The following CNTNAP2 variants were observed in gnomAD, a reference collection of about 807,000 sequenced individuals.
CNTNAP2 encodes contactin associated protein 2.
Under a neutral mutation model 155.2 loss-of-function variants are expected in CNTNAP2, and 98 were observed. The ratio of observed to expected loss-of-function variants is 0.63; its 90% CI spans 0.54 to 0.75. The LOEUF is 0.75. Ranked by LOEUF, CNTNAP2 falls within the 30% of genes least tolerant of loss-of-function variation. The pLI is 0.00. For synonymous variants in CNTNAP2, 651 were observed against 631.2 expected (o/e 1.03, Z -0.47); for missense variants, 1,727 against 1,688.1 (o/e 1.02, Z -0.40).
At chr7:146,483,000 G>T (rs1796986624) in intron 1 of CNTNAP2, among the ~76,000 whole-genome samples, 1 of 151,362 alleles carries the variant, frequency 6.6e-6, no homozygotes, top group Non-Finnish European at 1.5e-5. Flanking sequence ...TTTAAGGCCG[G>T]GTGCGGTGGC....
intron 15 of CNTNAP2, among the ~76,000 whole-genome samples, chr7:148,062,028 AGTGTGT>A (rs199528714): frequency 0.026 from 2,738 of 105,868 alleles, 143 homozygotes; most frequent in African/African-American, 0.074. Context: ...AGAGAGAGAG[AGTGTGT>A]GTGTGTGTGT....
intron 2 of CNTNAP2, among the ~76,000 whole-genome samples, chr7:146,787,364 G>C (rs949048302): frequency 2.6e-5 from 4 of 152,146 alleles, no homozygotes; most frequent in Admixed American, 2.6e-4. Flanking sequence ...TATATCCGGA[G>C]TTTGTTCCTT....
chr7:146,966,797 C>T (rs192311890), intron 3 of CNTNAP2, among the ~76,000 whole-genome samples: 160 of 152,306 alleles, frequency 1.1e-3, no homozygotes, highest in African/African-American at 3.4e-3. Context: ...CTTTTCTGTA[C>T]TCCTGCCTCA....
intron 1 of CNTNAP2, among the ~76,000 whole-genome samples, chr7:146,442,744 C>G (rs1160073932): frequency 6.6e-6 from 1 of 152,008 alleles, no homozygotes; most frequent in Non-Finnish European, 1.5e-5. Context: ...TAGCCCTGTT[C>G]CGTGGATTTA....
intron 15 of CNTNAP2, among the ~76,000 whole-genome samples, chr7:148,066,616 G>A (rs1419863477): frequency 6.6e-6 from 1 of 151,856 alleles, no homozygotes; most frequent in Non-Finnish European, 1.5e-5. Flanking sequence ...TCCTGCCTCA[G>A]CCTCCCGAGT....
At chr7:147,743,202 GT>G (rs1260588196) in intron 13 of CNTNAP2, among the ~76,000 whole-genome samples, 3 of 152,102 alleles carry the variant, frequency 2.0e-5, no homozygotes, top group Admixed American at 1.3e-4. Context: ...CCATTACCTG[GT>G]CATATGCGAT....
Position 147,674,048 on chromosome 7 carries a change from A to G in CNTNAP2, c.2098+34742A>G, listed in dbSNP as rs181134316. Among the ~76,000 whole-genome samples, 75 of 152,290 alleles carry G rather than the reference A, an allele frequency of 4.9e-4. 1 individual carries two copies. The highest frequency in any genetic ancestry group is 9.2e-4 in the Admixed American group (14 of 15,292). On this transcript the variant is annotated intron_variant, in intron 13 of 23. Coordinates refer to ENST00000361727, the MANE Select transcript of CNTNAP2 (RefSeq NM_014141.6). ...CTGTTTGGGAGAGGTGTAATAAACA[A>G]GAGACACATTGTAGCTATGACCGTG...
At chr7:147,171,895 G>A (rs1392840012) in intron 8 of CNTNAP2, among the ~76,000 whole-genome samples, 2 of 151,556 alleles carry the variant, frequency 1.3e-5, no homozygotes, top group Non-Finnish European at 2.9e-5. Flanking sequence ...AGTGAAATAT[G>A]TTCTATGAAA....
At chr7:146,442,936 G>A (rs972241069) in intron 1 of CNTNAP2, among the ~76,000 whole-genome samples, 3 of 152,210 alleles carry the variant, frequency 2.0e-5, no homozygotes, top group Admixed American at 6.5e-5. Flanking sequence ...GCCGGGCGCG[G>A]TGGCTGACGC....
chr7:147,876,887 C>T (rs2116709065), intron 13 of CNTNAP2, among the ~76,000 whole-genome samples: 1 of 152,108 alleles, frequency 6.6e-6, no homozygotes, highest in East Asian at 1.9e-4. Flanking sequence ...AACTACGGGG[C>T]ATCCTTGTAA....
At chr7:146,185,761 C>CCTTT (rs1554400925) in intron 1 of CNTNAP2, among the ~76,000 whole-genome samples, 70 of 94,880 alleles carry the variant, frequency 7.4e-4, no homozygotes, top group African/African-American at 1.6e-3. Flanking sequence ...TTTTATTATT[C>CCTTT]TTTTTTTTTT....
At chr7:147,760,439 T>C (rs1262815906) in intron 13 of CNTNAP2, among the ~76,000 whole-genome samples, 2 of 152,196 alleles carry the variant, frequency 1.3e-5, no homozygotes. Context: ...CTCAGCCACT[T>C]TGAGTAAACG....
intron 13 of CNTNAP2, among the ~76,000 whole-genome samples, chr7:147,781,891 C>T (rs1270929079): frequency 2.6e-5 from 4 of 151,990 alleles, no homozygotes; most frequent in African/African-American, 7.3e-5. Flanking sequence ...GGCGTGGCGG[C>T]GGGCGCCTGT....
At chr7:146,461,420 A>ATATAT (rs755731022) in intron 1 of CNTNAP2, among the ~76,000 whole-genome samples, 4,080 of 150,816 alleles carry the variant, frequency 0.027, 130 homozygotes, top group African/African-American at 0.073. Flanking sequence ...AAAAAAATAT[A>ATATAT]ATAATAATAA....
chr7:146,569,163 CCCA>C (rs1172415080), intron 1 of CNTNAP2, among the ~76,000 whole-genome samples: 1 of 152,036 alleles, frequency 6.6e-6, no homozygotes, highest in Non-Finnish European at 1.5e-5. Context: ...ACTACAGGCG[CCCA>C]CCACCACGCC....
At chr7:146,775,530 A>G (rs1802374756) in intron 2 of CNTNAP2, among the ~76,000 whole-genome samples, 1 of 150,308 alleles carries the variant, frequency 6.7e-6, no homozygotes, top group Admixed American at 6.6e-5. Context: ...ATGAAAGGGA[A>G]TGAATATAGG....
At chr7:146,643,768 T>C (rs1003733315) in intron 1 of CNTNAP2, among the ~76,000 whole-genome samples, 14 of 152,146 alleles carry the variant, frequency 9.2e-5, no homozygotes, top group African/African-American at 1.9e-4. Flanking sequence ...GCCATTTTCA[T>C]GATATTGATT....
rs143284273 is a variant in CNTNAP2, at chr7:147,264,552, T to G, written c.1349-35589T>G. Among the ~76,000 whole-genome samples the G allele has an allele frequency of 3.7e-3, 563 of 150,880 alleles. 4 individuals are homozygous for G. The highest frequency in any genetic ancestry group is 0.013 in the African/African-American group (535 of 41,242). On this transcript the variant is annotated intron_variant, in intron 8 of 23. Coordinates refer to ENST00000361727, the MANE Select transcript of CNTNAP2 (RefSeq NM_014141.6). ...CTGGTCCCTGCGGGCCTGTGCCCAC[T>G]AGGGCATATCAAACCCTCTGATGGA...
chr7:146,432,818 T>C (rs1796190790), intron 1 of CNTNAP2, among the ~76,000 whole-genome samples: 1 of 152,158 alleles, frequency 6.6e-6, no homozygotes, highest in African/African-American at 2.4e-5. Flanking sequence ...TTTATTGTGT[T>C]GATGCATTGG....
Sources: allele counts gnomAD v4.1 joint callset (sites outside exome capture counted in the v4.1 genomes callset), GRCh38; gene constraint gnomAD v4.1.1; transcripts MANE v1.5; gene names NCBI Gene and HGNC (gene_info 2026-07-23, HGNC 2026-07-21).